LNX2: variants seen among roughly 807,000 people sequenced by gnomAD.
LNX2 encodes the protein ligand of Numb protein X 2.
LNX2 carries 35 observed loss-of-function variants against 66.2 expected under a neutral mutation model. The ratio of observed to expected loss-of-function variants is 0.53; its 90% CI spans 0.40 to 0.70. LNX2 has a LOEUF of 0.70. Ranked by LOEUF, LNX2 falls within the 30% of genes least tolerant of loss-of-function variation. The probability of loss-of-function intolerance (pLI) is 0.00; values close to 1 mark genes in which losing one functional copy is unlikely to be tolerated. For synonymous variants in LNX2, 337 were observed against 315.6 expected (o/e 1.07, Z -0.72); for missense variants, 791 against 850.8 (o/e 0.93, Z 0.87).
intron 1 of LNX2, among the ~76,000 whole-genome samples, chr13:27,619,187 C>G (rs554430400): frequency 6.6e-6 from 1 of 151,030 alleles, no homozygotes; most frequent in Non-Finnish European, 1.5e-5. Context: ...TACTTTTACC[C>G]CATGGGAAAA....
At chr13:27,553,160 G>A (rs748122061) in intron 8 of LNX2, 48 bp downstream of exon 8, 10 of 1,490,912 alleles carry the variant, frequency 6.7e-6, no homozygotes, top group Non-Finnish European at 9.4e-6. Context: ...GATAAGGGCT[G>A]CAAGCATGAT....
At chr13:27,581,912 G>C (rs1432402288) in intron 1 of LNX2, 109 bp from the exon 2 acceptor site, 2 of 396,572 alleles carry the variant, frequency 5.0e-6, no homozygotes, top group Middle Eastern at 6.4e-4. Context: ...AAAAATTAAA[G>C]GTTGAATCAG....
intron 1 of LNX2, among the ~76,000 whole-genome samples, chr13:27,608,070 C>CTA (rs1955736586): frequency 6.6e-6 from 1 of 152,184 alleles, no homozygotes; most frequent in Non-Finnish European, 1.5e-5. Context: ...TTGCTCATTG[C>CTA]TATAGTCTCA....
intron 3 of LNX2, 141 bp downstream of exon 3, chr13:27,568,888 A>G: frequency 3.5e-6 from 3 of 866,598 alleles, no homozygotes; most frequent in Non-Finnish European, 3.3e-6. Flanking sequence ...TATATAAATT[A>G]TATCTCAATG....
At chr13:27,583,217 T>C (rs1166470763) in intron 1 of LNX2, among the ~76,000 whole-genome samples, 2,657 of 19,864 alleles carry the variant, frequency 0.13, 206 homozygotes, top group African/African-American at 0.25. Flanking sequence ...TGTGTGTGTG[T>C]GTGTGTGTGT....
In LNX2 at chr13:27,581,249, C is replaced by T. The variant is rs529056666; in HGVS notation, c.407+48G>A. On this transcript the variant is annotated intron_variant, in intron 2 of 9. Coordinates refer to ENST00000316334, the MANE Select transcript of LNX2 (RefSeq NM_153371.4). ...ATCAAGTTTTTATGTTCATTTGAAC[C>T]ACCTTTTTCCAAAATCTGGAGTTAC... 7 of 1,413,356 alleles carry T rather than the reference C, an allele frequency of 5.0e-6. No homozygotes were observed. In the African/African-American group the frequency reaches 7.2e-5, roughly 14 times the overall value. The allele number at this position is 1,413,356 out of a possible 1,614,324, so 87.6% of individuals were successfully genotyped here. A position where few individuals can be genotyped will look rare whatever the true frequency, so the allele number is the denominator to read the frequency against.
intron 3 of LNX2, among the ~76,000 whole-genome samples, chr13:27,568,163 C>T (rs1272523322): frequency 1.3e-5 from 2 of 152,124 alleles, no homozygotes; most frequent in Non-Finnish European, 2.9e-5. Flanking sequence ...CACGAAACAA[C>T]TGTACATAAT....
At chr13:27,595,732 A>G (rs891823640) in intron 1 of LNX2, among the ~76,000 whole-genome samples, 2 of 121,942 alleles carry the variant, frequency 1.6e-5, no homozygotes, top group African/African-American at 6.0e-5. Context: ...CCATTCATCT[A>G]AACCATTCAA....
intron 4 of LNX2, among the ~76,000 whole-genome samples, chr13:27,565,505 T>C (rs924130932): frequency 6.6e-6 from 1 of 152,158 alleles, no homozygotes; most frequent in Non-Finnish European, 1.5e-5. Context: ...AGTCGCTCTC[T>C]GCAAAATCAA....
chr13:27,566,224 G>A (rs984847271), intron 4 of LNX2, among the ~76,000 whole-genome samples: 4 of 152,164 alleles, frequency 2.6e-5, no homozygotes, highest in Non-Finnish European at 5.9e-5. Flanking sequence ...GGGGGAGAAT[G>A]GCTGAACAAA....
chr13:27,606,748 G>A (rs1289444791), intron 1 of LNX2, among the ~76,000 whole-genome samples: 1 of 152,138 alleles, frequency 6.6e-6, no homozygotes, highest in African/African-American at 2.4e-5. Flanking sequence ...TGTTTTTCAT[G>A]AAGTATCCAT....
intron 5 of LNX2, among the ~76,000 whole-genome samples, chr13:27,560,863 C>A (rs114977814): frequency 0.012 from 1,749 of 151,866 alleles, 40 homozygotes; most frequent in African/African-American, 0.04. Flanking sequence ...AAGTGGAGAC[C>A]TCTCCCATGA....
At chr13:27,570,168 A>G (rs1955261146) in intron 2 of LNX2, among the ~76,000 whole-genome samples, 2 of 152,122 alleles carry the variant, frequency 1.3e-5, no homozygotes, top group African/African-American at 4.8e-5. Flanking sequence ...GGAGGACAAA[A>G]AGATTAGTGA....
chr13:27,563,264 A>G (rs1336875132), intron 4 of LNX2, among the ~76,000 whole-genome samples: 1 of 152,230 alleles, frequency 6.6e-6, no homozygotes, highest in Non-Finnish European at 1.5e-5. Flanking sequence ...AATACACTTA[A>G]GCTAGAGAAA....
chr13:27,567,554 G>A, intron 4 of LNX2, 86 bp downstream of exon 4: 2 of 1,073,960 alleles, frequency 1.9e-6, no homozygotes, highest in Non-Finnish European at 2.8e-6. Context: ...TATAATTTAG[G>A]TTCCAAAACA....
intron 4 of LNX2, among the ~76,000 whole-genome samples, chr13:27,564,384 C>T (rs920551895): frequency 6.8e-6 from 1 of 147,808 alleles, no homozygotes; most frequent in South Asian, 2.1e-4. Flanking sequence ...TATCAATCAA[C>T]AGCTGTAATT....
In LNX2 at chr13:27,567,660, C is replaced by T. The variant is rs747783901; in HGVS notation, c.835G>A (p.Ala279Thr). 1 of 1,613,980 alleles carries T rather than the reference C, an allele frequency of 6.2e-7. No individual in the cohort carries two copies. The highest frequency in any genetic ancestry group is 8.5e-7 in the Non-Finnish European group (1 of 1,179,898). The change falls in exon 4 of 10, where the codon GCT becomes ACT. Residue 279 changes from alanine to threonine, a missense_variant. Transcript: ENST00000316334. Reference sequence around the variant, plus strand: ...GATACCTGAAGAATCTGGTCTCCAGCAAGAAGTCTCCCGTCTCTGGCAATG... The same window carrying T: ...GATACCTGAAGAATCTGGTCTCCAGTAAGAAGTCTCCCGTCTCTGGCAATG... ...GVIARDGRLLAGDQILQVNNY... is the reference protein window; with the variant it reads ...GVIARDGRLLTGDQILQVNNY...
intron 5 of LNX2, among the ~76,000 whole-genome samples, chr13:27,561,840 T>C (rs1283193590): frequency 2.0e-5 from 3 of 152,220 alleles, no homozygotes; most frequent in African/African-American, 4.8e-5. Context: ...TTCCAACTTA[T>C]CCATCTTCAT....
chr13:27,574,320 T>C (rs939234157), intron 2 of LNX2, among the ~76,000 whole-genome samples: 2 of 152,170 alleles, frequency 1.3e-5, no homozygotes, highest in Non-Finnish European at 2.9e-5. Context: ...GGCGCATGCC[T>C]GTAATCTCAG....
Sources: gnomAD v4.1 joint callset for allele counts (sites outside exome capture counted in the v4.1 genomes callset) on GRCh38, gnomAD v4.1.1 for gene constraint, MANE v1.5 for transcripts, NCBI Gene and HGNC (gene_info 2026-07-23, HGNC 2026-07-21) for gene names.